The following ATP2B2 variants were observed in gnomAD, a reference collection of about 807,000 sequenced individuals.
ATP2B2 encodes ATPase plasma membrane Ca2+ transporting 2, also known as plasma membrane calcium-transporting ATPase 2.
ATP2B2 carries 15 observed loss-of-function variants against 120.0 expected under a neutral mutation model. The ratio of observed to expected loss-of-function variants is 0.12; its 90% CI spans 0.08 to 0.19. ATP2B2 has a LOEUF of 0.19. Among genes scored for constraint, ATP2B2 ranks in the 10% least tolerant of loss-of-function variants. The probability of loss-of-function intolerance (pLI) is 1.00; values close to 1 mark genes in which losing one functional copy is unlikely to be tolerated. For synonymous variants in ATP2B2, 694 were observed against 700.3 expected (o/e 0.99, Z 0.14); for missense variants, 1,045 against 1,719.8 (o/e 0.61, Z 6.94).
chr3:10,583,536 C>T (rs928960517), intron 2 of ATP2B2, among the ~76,000 whole-genome samples: 12 of 152,248 alleles, frequency 7.9e-5, no homozygotes, highest in South Asian at 2.1e-4. Context: ...TCTTAGGATC[C>T]GTGCCCTGAT....
chr3:10,450,691 T>C lies in ATP2B2; in HGVS notation c.-319-829A>G, dbSNP rs146551645. On this transcript the variant is annotated intron_variant, in intron 1 of 22. Coordinates refer to ENST00000360273, the MANE Select transcript of ATP2B2 (RefSeq NM_001001331.4). ...CCTGGCAGGGGGAGGGGGGTCCCTA[T>C]GGACCAGCACCAGGGACAGCGGCTT... is the stretch of plus-strand genomic sequence containing the variant. Among the ~76,000 whole-genome samples the C allele has an allele frequency of 5.3e-5, 8 of 152,292 alleles. No homozygotes were observed. In the East Asian group the frequency reaches 7.7e-4, roughly 15 times the overall value.
rs1030080424 is a variant in ATP2B2, at chr3:10,342,026, G to T, written c.2917+726C>A. On this transcript the variant is annotated intron_variant, in intron 19 of 22. Coordinates refer to ENST00000360273, the MANE Select transcript of ATP2B2 (RefSeq NM_001001331.4). The surrounding 1 kb of genome is among the most constrained non-coding windows in gnomAD (Gnocchi z 4.4). Reference sequence around the variant, plus strand: ...GCCCTGATTCCATGTGGGACTGCGGGCCAGACCCTTCCCCTCTCTGGGCCT... The same window carrying T: ...GCCCTGATTCCATGTGGGACTGCGGTCCAGACCCTTCCCCTCTCTGGGCCT... 2.6e-4 allele frequency among the ~76,000 whole-genome samples: 40 copies of T among 152,226 alleles called. No homozygotes were observed. Among genetic ancestry groups the T allele is most frequent in the Non-Finnish European group, 7.3e-5 (5 of 68,036 alleles).
intron 2 of ATP2B2, among the ~76,000 whole-genome samples, chr3:10,605,851 G>A (rs2069049893): frequency 1.3e-5 from 2 of 152,160 alleles, no homozygotes; most frequent in African/African-American, 2.4e-5. Flanking sequence ...GTTTCGCCAT[G>A]TTGGCCAGGC....
intron 2 of ATP2B2, among the ~76,000 whole-genome samples, chr3:10,553,286 A>G (rs550557163): frequency 1.8e-3 from 278 of 152,358 alleles, no homozygotes; most frequent in African/African-American, 6.2e-3. Flanking sequence ...AGCTCCTGAA[A>G]GCAGGGACCA....
chr3:10,358,550 G>T, intron 14 of ATP2B2, 141 bp downstream of exon 14: 1 of 874,122 alleles, frequency 1.1e-6, no homozygotes. Flanking sequence ...ATCCTCTTAT[G>T]AGGATCAAGG....
chr3:10,616,115 T>A (rs1319021068), intron 2 of ATP2B2, among the ~76,000 whole-genome samples: 1 of 152,214 alleles, frequency 6.6e-6, no homozygotes, highest in Non-Finnish European at 1.5e-5. Flanking sequence ...ATAAATGGTC[T>A]CAGTTGCCAG....
intron 16 of ATP2B2, among the ~76,000 whole-genome samples, chr3:10,349,188 C>T (rs1352059846): frequency 6.6e-6 from 1 of 152,222 alleles, no homozygotes; most frequent in Non-Finnish European, 1.5e-5. Flanking sequence ...CACAGTGGCT[C>T]CTACCTGTAA....
At chr3:10,535,279 C>T (rs1380801187) in intron 2 of ATP2B2, among the ~76,000 whole-genome samples, 4 of 152,134 alleles carry the variant, frequency 2.6e-5, no homozygotes, top group Non-Finnish European at 5.9e-5. Context: ...AGATCCCATG[C>T]ACCTCCCTCC....
At chr3:10,407,989 T>C (rs2062476125) in intron 3 of ATP2B2, among the ~76,000 whole-genome samples, 1 of 152,212 alleles carries the variant, frequency 6.6e-6, no homozygotes, top group African/African-American at 2.4e-5. Flanking sequence ...CTCTGATCAC[T>C]GGACTCTGGT....
chr3:10,336,744 TGAGTC>T (rs2060127504), intron 22 of ATP2B2, among the ~76,000 whole-genome samples: 1 of 152,252 alleles, frequency 6.6e-6, no homozygotes, highest in Non-Finnish European at 1.5e-5. Context: ...GCCACCTCTC[TGAGTC>T]GAGTTTCTTG....
chr3:10,504,013 T>C, intron 1 of ATP2B2, among the ~76,000 whole-genome samples: 1 of 152,208 alleles, frequency 6.6e-6, no homozygotes, highest in African/African-American at 2.4e-5. Flanking sequence ...TATGTGTATA[T>C]ATGATTTGGA....
At chr3:10,655,993 C>A (rs529585098) in intron 1 of ATP2B2, among the ~76,000 whole-genome samples, 1 of 152,134 alleles carries the variant, frequency 6.6e-6, no homozygotes, top group South Asian at 2.1e-4. Context: ...GCTGAGAGAG[C>A]GGGGAAAACA....
chr3:10,706,432 A>G (rs760697697), intron 1 of ATP2B2, among the ~76,000 whole-genome samples: 17 of 152,212 alleles, frequency 1.1e-4, no homozygotes, highest in Non-Finnish European at 2.4e-4. Context: ...CCATGGCAGC[A>G]GCAGGAAATC....
Position 10,347,067 on chromosome 3 carries a change from C to T in ATP2B2, c.2405-930G>A, listed in dbSNP as rs984283727. Among the ~76,000 whole-genome samples the T allele has an allele frequency of 6.6e-6, 1 of 152,146 alleles. No homozygotes were observed. The highest frequency in any genetic ancestry group is 1.5e-5 in the Non-Finnish European group (1 of 68,020). ...GAACCAGTTCCGTCCCCCAGCCATC[C>T]CCGGAATGTCGTTTTCCTGCTTCCC... On this transcript the variant is annotated intron_variant, in intron 16 of 22. Transcript: ENST00000360273. The surrounding 1 kb of genome is among the most constrained non-coding windows in gnomAD (Gnocchi z 5.2).
At chr3:10,663,754 T>C (rs1479068303) in intron 1 of ATP2B2, among the ~76,000 whole-genome samples, 1 of 152,090 alleles carries the variant, frequency 6.6e-6, no homozygotes, top group Non-Finnish European at 1.5e-5. Context: ...GCCACACACC[T>C]TGTTTTCAGG....
chr3:10,626,128 G>T (rs1029316193), intron 1 of ATP2B2: 1 of 152,170 alleles, frequency 6.6e-6, no homozygotes, highest in Non-Finnish European at 1.5e-5. Flanking sequence ...GGGAGGGAAA[G>T]AAACAACTGG....
chr3:10,411,620 G>T (rs2062614820), intron 2 of ATP2B2, among the ~76,000 whole-genome samples: 1 of 152,204 alleles, frequency 6.6e-6, no homozygotes, highest in Non-Finnish European at 1.5e-5. Flanking sequence ...CTTAACCCAT[G>T]GGTGGTTGTG....
At chr3:10,504,025 A>G (rs373530084) in intron 1 of ATP2B2, among the ~76,000 whole-genome samples, 1 of 152,216 alleles carries the variant, frequency 6.6e-6, no homozygotes, top group Non-Finnish European at 1.5e-5. Flanking sequence ...TGATTTGGAC[A>G]TATATGACGC....
chr3:10,560,279 C>T (rs2067873709), intron 2 of ATP2B2, among the ~76,000 whole-genome samples: 1 of 152,194 alleles, frequency 6.6e-6, no homozygotes, highest in African/African-American at 2.4e-5. Context: ...AGGAATGTTC[C>T]AAGCTTCTGA....
Sources: gnomAD v4.1 joint callset for allele counts (sites outside exome capture counted in the v4.1 genomes callset) on GRCh38, gnomAD v4.1.1 for gene constraint, Gnocchi (gnomAD v3.1) non-coding constraint, MANE v1.5 for transcripts, NCBI Gene and HGNC (gene_info 2026-07-23, HGNC 2026-07-21) for gene names.